MDGA2: variants seen among roughly 807,000 people sequenced by gnomAD.
MDGA2 encodes the protein MAM domain containing glycosylphosphatidylinositol anchor 2.
MDGA2 carries 40 observed loss-of-function variants against 117.8 expected under a neutral mutation model. That is an observed-to-expected ratio of 0.34 (90% CI 0.26 to 0.44). The LOEUF (loss-of-function observed/expected upper bound fraction) is 0.44. MDGA2 is among the 20% of genes least tolerant of loss of function. The pLI is 1.00. For synonymous variants in MDGA2, 452 were observed against 439.0 expected (o/e 1.03, Z -0.37); for missense variants, 1,123 against 1,250.6 (o/e 0.90, Z 1.54).
intron 3 of MDGA2, among the ~76,000 whole-genome samples, chr14:47,213,040 ATTTTG>A (rs1309184743): frequency 6.6e-6 from 1 of 152,004 alleles, no homozygotes; most frequent in African/African-American, 2.4e-5. Flanking sequence ...ATAGCCTCTT[ATTTTG>A]GGGATGATAT....
At chr14:47,614,479 T>A (rs1283419959) in intron 1 of MDGA2, among the ~76,000 whole-genome samples, 2 of 152,182 alleles carry the variant, frequency 1.3e-5, no homozygotes, top group Admixed American at 1.3e-4. Flanking sequence ...CACCCAATAC[T>A]GGCCTTCCAT....
intron 1 of MDGA2, among the ~76,000 whole-genome samples, chr14:47,513,088 T>C (rs1028525319): frequency 1.4e-4 from 22 of 152,216 alleles, no homozygotes; most frequent in African/African-American, 5.3e-4. Context: ...CTTATGCTTT[T>C]TTTCTAACAA....
intron 3 of MDGA2, among the ~76,000 whole-genome samples, chr14:47,205,094 C>T (rs1338542423): frequency 6.6e-6 from 1 of 151,734 alleles, no homozygotes; most frequent in African/African-American, 2.4e-5. Context: ...TCGTTTCTGT[C>T]TGTACGTGTA....
intron 1 of MDGA2, among the ~76,000 whole-genome samples, chr14:47,379,335 G>T (rs1438319033): frequency 1.3e-5 from 2 of 152,072 alleles, no homozygotes; most frequent in Admixed American, 1.3e-4. Context: ...ACCAGTTAAC[G>T]TCATAATGAC....
intron 3 of MDGA2, among the ~76,000 whole-genome samples, chr14:47,150,859 G>A (rs1275620240): frequency 6.6e-6 from 1 of 151,368 alleles, no homozygotes; most frequent in Non-Finnish European, 1.5e-5. Flanking sequence ...GGGAGGTAGA[G>A]GTTGTAGTGA....
intron 4 of MDGA2, 36 bp downstream of exon 4, chr14:47,144,042 C>A (rs1402756880): frequency 1.4e-6 from 2 of 1,424,192 alleles, no homozygotes; most frequent in Admixed American, 4.7e-5. Context: ...AGTATCCTAG[C>A]AGAGTAGGGT....
chr14:47,088,264 G>C (rs28700021), intron 6 of MDGA2, among the ~76,000 whole-genome samples: 53,143 of 151,674 alleles, frequency 0.35, 9,566 homozygotes, highest in East Asian at 0.52. Context: ...AGATAATAAT[G>C]CATTTTTGAG....
At chr14:47,414,294 T>G (rs2138492482) in intron 1 of MDGA2, among the ~76,000 whole-genome samples, 1 of 152,284 alleles carries the variant, frequency 6.6e-6, no homozygotes, top group East Asian at 1.9e-4. Context: ...GCTTACCGGT[T>G]GTATGGCTTT....
Position 47,346,682 on chromosome 14 carries a change from C to A in MDGA2, c.281-45132G>T, listed in dbSNP as rs577093436. 2.0e-5 allele frequency among the ~76,000 whole-genome samples: 3 copies of A among 152,224 alleles called. No individual in the cohort carries two copies. In the South Asian group the frequency reaches 6.2e-4, roughly 32 times the overall value. ...AGTAAATATTCTTAATTATAGTTTTCTTATGGCACACATCCTATTTTTGTT... is the reference window on the plus strand; with the variant it reads ...AGTAAATATTCTTAATTATAGTTTTATTATGGCACACATCCTATTTTTGTT... On this transcript the variant is annotated intron_variant, in intron 1 of 16. Transcript: ENST00000399232.
chr14:46,918,176 T>C (rs146028200), intron 10 of MDGA2, among the ~76,000 whole-genome samples: 10 of 152,206 alleles, frequency 6.6e-5, no homozygotes, highest in African/African-American at 2.2e-4. Flanking sequence ...TCTTTGCAAA[T>C]AGACCTATAA....
chr14:47,100,378 T>C (rs2138995596), intron 5 of MDGA2, among the ~76,000 whole-genome samples: 2 of 152,212 alleles, frequency 1.3e-5, no homozygotes, highest in African/African-American at 4.8e-5. Context: ...TGAAGAAAGA[T>C]AAAGTTCATT....
At chr14:47,546,939 A>C (rs1895474773) in intron 1 of MDGA2, among the ~76,000 whole-genome samples, 1 of 152,182 alleles carries the variant, frequency 6.6e-6, no homozygotes, top group African/African-American at 2.4e-5. Context: ...TTAATGTTAA[A>C]GCTGTCAGTA....
At chr14:46,883,680 G>C (rs1489071331) in intron 10 of MDGA2, among the ~76,000 whole-genome samples, 1 of 151,952 alleles carries the variant, frequency 6.6e-6, no homozygotes, top group Non-Finnish European at 1.5e-5. Context: ...ATATACACTT[G>C]AATGTCTTTT....
intron 1 of MDGA2, among the ~76,000 whole-genome samples, chr14:47,504,578 C>G (rs1246232407): frequency 6.6e-6 from 1 of 151,844 alleles, no homozygotes; most frequent in Non-Finnish European, 1.5e-5. Context: ...AAATGGCTAA[C>G]AGGTATATTC....
At chr14:46,991,133 A>T (rs1274527422) in intron 8 of MDGA2, among the ~76,000 whole-genome samples, 1 of 152,074 alleles carries the variant, frequency 6.6e-6, no homozygotes, top group African/African-American at 2.4e-5. Context: ...TTATGAATGT[A>T]CTTCCTTTTC....
At chr14:47,224,291 A>ATATAGATATAGATATAGATATAGG (rs1886401701) in intron 2 of MDGA2, among the ~76,000 whole-genome samples, 2 of 149,092 alleles carry the variant, frequency 1.3e-5, no homozygotes, top group Non-Finnish European at 1.5e-5. Flanking sequence ...TCTGATATAG[A>ATATAGATATAGATATAGATATAGG]TATAGATATA....
chr14:47,125,034 T>TA (rs1418639347), intron 5 of MDGA2, among the ~76,000 whole-genome samples: 2 of 152,120 alleles, frequency 1.3e-5, no homozygotes, highest in African/African-American at 4.8e-5. Flanking sequence ...AAATAGTCCT[T>TA]AAAAACTGTT....
rs1230793365 is a variant in MDGA2 at position 47,674,985 on chromosome 14, C to T, written c.-189G>A. Reference sequence around the variant, plus strand: ...TCAGGGAAGCGGGCTCGAGTCTCCGCAGCTGCGGCGGCGGCGGCGGCGCGC... The same window carrying T: ...TCAGGGAAGCGGGCTCGAGTCTCCGTAGCTGCGGCGGCGGCGGCGGCGCGC... On this transcript the variant is annotated 5_prime_UTR_variant, in exon 1 of 17. Coordinates refer to ENST00000399232, the MANE Select transcript of MDGA2 (RefSeq NM_001113498.3). 5.4e-6 allele frequency: 2 copies of T among 371,222 alleles called. No individual in the cohort carries two copies. Among genetic ancestry groups the T allele is most frequent in the Non-Finnish European group, 9.5e-6 (2 of 209,944 alleles). 23.0% of individuals were successfully genotyped at this position (371,222 alleles called of 1,614,324 possible).
chr14:47,536,842 T>G (rs550842812), intron 1 of MDGA2, among the ~76,000 whole-genome samples: 1 of 152,332 alleles, frequency 6.6e-6, no homozygotes, highest in Admixed American at 6.5e-5. Context: ...TAACCAATAG[T>G]TTTAATAGCT....
Sources: allele counts gnomAD v4.1 joint callset (sites outside exome capture counted in the v4.1 genomes callset), GRCh38; gene constraint gnomAD v4.1.1; transcripts MANE v1.5; gene names NCBI Gene and HGNC (gene_info 2026-07-23, HGNC 2026-07-21).